Variants in CUL4A observed in about 807,000 individuals in gnomAD.
CUL4A encodes the protein cullin 4A.
A neutral mutation model predicts 95.5 loss-of-function variants in CUL4A; 16 were observed. The observed-to-expected ratio is 0.17, with a 90% CI of 0.11 to 0.25. The LOEUF (loss-of-function observed/expected upper bound fraction) is 0.25, where lower values mean the gene tolerates loss of function less well. Ranked by LOEUF, CUL4A falls within the 10% of genes least tolerant of loss-of-function variation. The pLI, the probability that CUL4A is intolerant of heterozygous loss-of-function variation, is 1.00. For missense variants in CUL4A, 610 were observed against 937.0 expected (o/e 0.65, Z 4.56); for synonymous variants, 380 against 353.1 (o/e 1.08, Z -0.85).
chr13:113,235,206 C>T, intron 8 of CUL4A, 61 bp downstream of exon 8: 2 of 1,180,534 alleles, frequency 1.7e-6, no homozygotes, highest in Non-Finnish European at 1.3e-6. Flanking sequence ...GTTCTCCTGG[C>T]TGGTTATTGA....
At chr13:113,259,224 T>C (rs958225538) in intron 18 of CUL4A, among the ~76,000 whole-genome samples, 16 of 152,358 alleles carry the variant, frequency 1.1e-4, no homozygotes, top group African/African-American at 3.8e-4. Flanking sequence ...ATTGCATAGT[T>C]AGAACCTCTA....
At chr13:113,236,703 C>T in intron 8 of CUL4A, 120 bp from the exon 9 acceptor site, 1 of 597,180 alleles carries the variant, frequency 1.7e-6, no homozygotes, top group East Asian at 3.0e-5. Flanking sequence ...TGTTCTTAAC[C>T]TTCCGTTTCT....
intron 5 of CUL4A, chr13:113,229,906 A>G: frequency 2.3e-6 from 1 of 440,088 alleles, no homozygotes; most frequent in Admixed American, 4.0e-5. Flanking sequence ...TCCCCTGTGG[A>G]ATGGCTTGCT....
rs1046464670 is a variant in CUL4A at position 113,219,040 on chromosome 13, G to A, written c.360G>A (p.Pro120=). The A allele has an allele frequency of 1.9e-5, 30 of 1,597,842 alleles. No homozygotes were observed. Among genetic ancestry groups the A allele is most frequent in the Non-Finnish European group, 2.5e-5 (29 of 1,173,430 alleles). Residue 120 remains proline, a synonymous_variant, in exon 3 of 20, where the codon CCG becomes CCA. Transcript: ENST00000375440. ...ACCACGTCCAGGCACAGATCCTTCCGTTTAGAGAATATCCTTTTTTTGGTT... is the reference window on the plus strand; with the variant it reads ...ACCACGTCCAGGCACAGATCCTTCCATTTAGAGAATATCCTTTTTTTGGTT... ...CEDHVQAQIL[P]FREDSLDSVL...
intron 10 of CUL4A, among the ~76,000 whole-genome samples, chr13:113,241,077 A>G (rs1213853435): frequency 1.3e-5 from 2 of 152,230 alleles, no homozygotes; most frequent in Non-Finnish European, 2.9e-5. Context: ...GTGGAAAGCC[A>G]GCACTCACAG....
intron 1 of CUL4A, 34 bp downstream of exon 1, chr13:113,209,809 C>T: frequency 1.7e-6 from 2 of 1,171,324 alleles, no homozygotes; most frequent in Non-Finnish European, 2.1e-6. Flanking sequence ...GGCCAGGCGC[C>T]CCGGGCGGGG....
chr13:113,224,275 C>T (rs2041018559), intron 3 of CUL4A, among the ~76,000 whole-genome samples: 1 of 152,088 alleles, frequency 6.6e-6, no homozygotes, highest in Admixed American at 6.5e-5. Context: ...ATGGCATGAA[C>T]CCGGGAGGCA....
chr13:113,239,265 T>C (rs1426085476), intron 9 of CUL4A, among the ~76,000 whole-genome samples, 168 bp from the exon 10 acceptor site: 1 of 152,228 alleles, frequency 6.6e-6, no homozygotes, highest in Non-Finnish European at 1.5e-5. Context: ...ATAGGATCCA[T>C]CTCACATATT....
intron 3 of CUL4A, among the ~76,000 whole-genome samples, chr13:113,220,155 T>A (rs2040844269): frequency 6.6e-6 from 1 of 152,194 alleles, no homozygotes; most frequent in Admixed American, 6.5e-5. Flanking sequence ...CATTCTGAGT[T>A]CATTGGAAGG....
intron 5 of CUL4A, among the ~76,000 whole-genome samples, chr13:113,232,110 C>T (rs895574332): frequency 3.0e-5 from 4 of 131,782 alleles, no homozygotes; most frequent in African/African-American, 1.2e-4. Context: ...CCACTACCCG[C>T]CCACCACCAT....
chr13:113,211,215 G>C (rs1334646447), intron 2 of CUL4A, among the ~76,000 whole-genome samples: 1 of 152,246 alleles, frequency 6.6e-6, no homozygotes, highest in African/African-American at 2.4e-5. Context: ...TCTAAATGCA[G>C]TCATGTATTT....
At chr13:113,213,287 C>A (rs2040520504) in intron 2 of CUL4A, among the ~76,000 whole-genome samples, 1 of 152,106 alleles carries the variant, frequency 6.6e-6, no homozygotes, top group South Asian at 2.1e-4. Flanking sequence ...ACTCAGGGCC[C>A]CCACACCACA....
chr13:113,256,093 G>A (rs896892477), intron 18 of CUL4A, among the ~76,000 whole-genome samples: 16 of 152,138 alleles, frequency 1.1e-4, no homozygotes, highest in East Asian at 3.9e-4. Context: ...TCAGCTACTC[G>A]GGAGGGTCGC....
At chr13:113,244,578 A>G (rs1463848555) in intron 12 of CUL4A, 64 bp downstream of exon 12, 4 of 1,186,000 alleles carry the variant, frequency 3.4e-6, no homozygotes, top group Non-Finnish European at 4.9e-6. Context: ...CTGCTTTCCC[A>G]GAGGAGGTTT....
At chr13:113,258,490 A>C (rs188622271) in intron 18 of CUL4A, among the ~76,000 whole-genome samples, 1 of 152,322 alleles carries the variant, frequency 6.6e-6, no homozygotes, top group Admixed American at 6.5e-5. Context: ...AATACATACA[A>C]ATCTTTTTCT....
intron 15 of CUL4A, 46 bp downstream of exon 15, chr13:113,246,109 T>C (rs544352263): frequency 6.0e-5 from 84 of 1,408,082 alleles, no homozygotes; most frequent in Admixed American, 2.5e-4. Context: ...GTCATGCCCT[T>C]ACCAGGCACA....
intron 5 of CUL4A, chr13:113,230,023 G>C (rs1411437655): frequency 1.3e-5 from 3 of 234,824 alleles, no homozygotes; most frequent in Non-Finnish European, 2.5e-5. Context: ...CGCGGCCACG[G>C]ACCCCACATG....
chr13:113,211,927 C>T (rs115076794), intron 2 of CUL4A, among the ~76,000 whole-genome samples: 1,679 of 152,026 alleles, frequency 0.011, 35 homozygotes, highest in African/African-American at 0.038. Flanking sequence ...CCAGCGTGTG[C>T]GTCTCTCCCA....
At chr13:113,253,400 C>T (rs1046643380) in intron 16 of CUL4A, among the ~76,000 whole-genome samples, 13 of 151,750 alleles carry the variant, frequency 8.6e-5, no homozygotes, top group Non-Finnish European at 5.9e-5. Flanking sequence ...AAACCATTTA[C>T]CTATTGAAAA....
Sources: allele counts gnomAD v4.1 joint callset (sites outside exome capture counted in the v4.1 genomes callset), GRCh38; gene constraint gnomAD v4.1.1; transcripts MANE v1.5; gene names NCBI Gene and HGNC (gene_info 2026-07-23, HGNC 2026-07-21).